Variants in TMOD3 observed in about 807,000 individuals in gnomAD.
TMOD3 encodes the protein tropomodulin 3.
A neutral mutation model predicts 39.2 loss-of-function variants in TMOD3; 20 were observed. The ratio of observed to expected loss-of-function variants is 0.51; its 90% CI spans 0.36 to 0.74. TMOD3 has a LOEUF of 0.74. Ranked by LOEUF, TMOD3 falls within the 30% of genes least tolerant of loss-of-function variation. The pLI is 0.00. For missense variants in TMOD3, 381 were observed against 412.8 expected (o/e 0.92, Z 0.67); for synonymous variants, 143 against 145.8 (o/e 0.98, Z 0.14).
chr15:51,891,672 C>T (rs2056594122), intron 5 of TMOD3, among the ~76,000 whole-genome samples: 1 of 151,918 alleles, frequency 6.6e-6, no homozygotes, highest in Non-Finnish European at 1.5e-5. Flanking sequence ...CCCCACTCCA[C>T]AGGATGTGTG....
chr15:51,900,167 A>G lies in TMOD3; in HGVS notation c.748A>G (p.Met250Val), dbSNP rs1392491929. 2.5e-5 allele frequency: 40 copies of G among 1,613,974 alleles called. No homozygotes were observed. The Admixed American group carries it at 6.5e-4, about 26-fold the overall frequency. The change falls in exon 8 of 10, where the codon ATG (methionine) becomes GTG (valine). Residue 250 changes from methionine to valine, a missense_variant. Physicochemically the swap from Met to Val is conservative, Grantham distance 21. Coordinates refer to ENST00000308580, the MANE Select transcript of TMOD3 (RefSeq NM_014547.5). ...CTCTAATTTCTAGGCTTTTGCAGAA[A>G]TGCTGAAAGTGAACAAAACTTTGAA... The part of the protein sequence containing the change: ...NDPVATAFAE[M>V]LKVNKTLKSL...
intron 2 of TMOD3, 132 bp downstream of exon 2, chr15:51,863,142 T>A (rs1167930747): frequency 1.1e-6 from 1 of 904,794 alleles, no homozygotes; most frequent in Non-Finnish European, 1.6e-6. Flanking sequence ...CAAATCAAGT[T>A]GCTTTTGGCT....
At chr15:51,840,991 A>T (rs1181173904) in intron 1 of TMOD3, among the ~76,000 whole-genome samples, 2 of 152,198 alleles carry the variant, frequency 1.3e-5, no homozygotes, top group Non-Finnish European at 2.9e-5. Context: ...AGGAAGTGTG[A>T]TATTGTGTAA....
chr15:51,869,109 C>T, intron 2 of TMOD3, 108 bp from the exon 3 acceptor site: 3 of 1,200,502 alleles, frequency 2.5e-6, no homozygotes, highest in Non-Finnish European at 3.5e-6. Context: ...GTGTTTAGTG[C>T]CTGTATCACA....
At chr15:51,842,374 G>A (rs2056316537) in intron 1 of TMOD3, among the ~76,000 whole-genome samples, 1 of 152,074 alleles carries the variant, frequency 6.6e-6, no homozygotes, top group African/African-American at 2.4e-5. Context: ...TCAACTTTAC[G>A]TATACAGCTT....
chr15:51,896,491 C>G lies in TMOD3; in HGVS notation c.700C>G (p.Leu234Val), dbSNP rs2056621464. The G allele has an allele frequency of 1.2e-6, 2 of 1,613,618 alleles. No individual in the cohort carries two copies. Among genetic ancestry groups the G allele is most frequent in the Non-Finnish European group, 1.7e-6 (2 of 1,179,758 alleles). ...ETNTHVKCFS[L>V]AATRSNDPVA... is the part of the protein sequence containing the mutation. ...CAACACACATGTGAAATGTTTCAGT[C>G]TTGCAGCCACCCGGAGCAATGACCC... The change falls in exon 7 of 10, where the codon CTT becomes GTT. Residue 234 changes from leucine (L) to valine (V), a missense_variant. Transcript: ENST00000308580.
In TMOD3 at chr15:51,877,680, T is replaced by TA. The variant is rs879610786; in HGVS notation, c.283+8323dup. Among the ~76,000 whole-genome samples the TA allele has an allele frequency of 2.2e-3, 295 of 137,110 alleles. 2 individuals carry two copies. The highest frequency in any genetic ancestry group is 3.4e-3 in the Admixed American group (46 of 13,668). The allele number at this position is 137,110 out of a possible 152,430, so 89.9% of individuals were successfully genotyped here. A position where few individuals can be genotyped will look rare whatever the true frequency, so the allele number is the denominator to read the frequency against. On this transcript the variant is annotated intron_variant, in intron 3 of 9. Coordinates refer to ENST00000308580, the MANE Select transcript of TMOD3 (RefSeq NM_014547.5). Reference sequence around the variant, plus strand: ...GGGCAACGAGAGCAAAACTCTGTCTTAAAAAAAAAAAAAAAAGATGTGTTA... The same window carrying TA: ...GGGCAACGAGAGCAAAACTCTGTCTTAAAAAAAAAAAAAAAAAGATGTGTTA...
chr15:51,884,258 G>A (rs890121981), intron 3 of TMOD3, among the ~76,000 whole-genome samples: 3 of 152,208 alleles, frequency 2.0e-5, no homozygotes, highest in African/African-American at 7.2e-5. Flanking sequence ...CAGCAAATTG[G>A]ATTACCTGTT....
intron 3 of TMOD3, among the ~76,000 whole-genome samples, chr15:51,883,741 C>T (rs2056546061): frequency 6.6e-6 from 1 of 152,102 alleles, no homozygotes; most frequent in Non-Finnish European, 1.5e-5. Context: ...TAGAGTGGGG[C>T]TTGGACATGA....
chr15:51,884,275 T>G (rs1259000761), intron 3 of TMOD3, among the ~76,000 whole-genome samples: 2 of 152,248 alleles, frequency 1.3e-5, no homozygotes, highest in East Asian at 3.8e-4. Flanking sequence ...TGTTGTGTTC[T>G]AGGCAAGGAT....
chr15:51,853,415 C>T (rs779815462), intron 1 of TMOD3, among the ~76,000 whole-genome samples: 12 of 152,080 alleles, frequency 7.9e-5, no homozygotes, highest in Non-Finnish European at 1.5e-4. Context: ...TGCCCAGGCT[C>T]GTCTCAAACT....
chr15:51,907,556 G>A (rs2056688387), intron 9 of TMOD3, among the ~76,000 whole-genome samples: 1 of 152,210 alleles, frequency 6.6e-6, no homozygotes, highest in African/African-American at 2.4e-5. Flanking sequence ...GCCTGGCCAG[G>A]ACACCAGGTG....
At chr15:51,860,071 G>C in intron 1 of TMOD3, 1 of 515,604 alleles carries the variant, frequency 1.9e-6, no homozygotes, top group Non-Finnish European at 3.9e-6. Context: ...CCTCCTTCTG[G>C]CCCTCCTCTG....
At chr15:51,906,733 T>G (rs2056683231) in intron 9 of TMOD3, among the ~76,000 whole-genome samples, 1 of 152,136 alleles carries the variant, frequency 6.6e-6, no homozygotes, top group African/African-American at 2.4e-5. Flanking sequence ...CCTAAAGAAT[T>G]ATCTGGGCTG....
intron 1 of TMOD3, among the ~76,000 whole-genome samples, chr15:51,847,098 C>G (rs775623143): frequency 6.6e-6 from 1 of 152,118 alleles, no homozygotes; most frequent in East Asian, 1.9e-4. Context: ...AAGTGGGGCA[C>G]CTACAAGAGA....
chr15:51,829,824 G>C lies in TMOD3; in HGVS notation c.-87G>C, dbSNP rs1447885183. 1 of 152,294 alleles carries C rather than the reference G, an allele frequency of 6.6e-6. No homozygotes were observed. The highest frequency in any genetic ancestry group is 2.4e-5 in the African/African-American group (1 of 41,452). 9.4% of individuals were successfully genotyped at this position (152,294 alleles called of 1,614,324 possible). A position where few individuals can be genotyped will look rare whatever the true frequency, so the allele number is the denominator to read the frequency against. On this transcript the variant is annotated 5_prime_UTR_variant, in exon 1 of 10. Transcript: ENST00000308580. ...CTGTGAAGAGGTCGGCGGCCCCTGC[G>C]GGCGCCAGTCAGGTAAGCCCAGCCC...
chr15:51,879,762 A>G (rs1437362896), intron 3 of TMOD3, among the ~76,000 whole-genome samples: 1 of 151,782 alleles, frequency 6.6e-6, no homozygotes, highest in East Asian at 1.9e-4. Flanking sequence ...TTCTGAGTTT[A>G]AGGAACACTG....
intron 3 of TMOD3, among the ~76,000 whole-genome samples, chr15:51,873,523 A>AT (rs1292102009): frequency 4.6e-5 from 7 of 152,184 alleles, no homozygotes; most frequent in Admixed American, 3.9e-4. Flanking sequence ...TCTCTAAATG[A>AT]TTTTTTCATT....
intron 9 of TMOD3, among the ~76,000 whole-genome samples, chr15:51,905,758 C>T (rs1468269786): frequency 2.0e-5 from 3 of 151,826 alleles, no homozygotes; most frequent in Non-Finnish European, 4.4e-5. Context: ...GTTTTGGTAA[C>T]AAGGTGAAAC....
Sources: allele counts gnomAD v4.1 joint callset (sites outside exome capture counted in the v4.1 genomes callset), GRCh38; gene constraint gnomAD v4.1.1; transcripts MANE v1.5; gene names NCBI Gene and HGNC (gene_info 2026-07-23, HGNC 2026-07-21).